The following DNAJC5 variants were observed in gnomAD, a reference collection of about 807,000 sequenced individuals.
The protein encoded by DNAJC5 is DnaJ heat shock protein family (Hsp40) member C5.
In DNAJC5, 1 loss-of-function variant was observed where a neutral mutation model predicts 23.2. That is an observed-to-expected ratio of 0.04 (90% CI 0.02 to 0.20). The LOEUF (loss-of-function observed/expected upper bound fraction) is 0.20, where lower values mean the gene tolerates loss of function less well. Ranked by LOEUF, DNAJC5 falls within the 10% of genes least tolerant of loss-of-function variation. The pLI is 1.00. For synonymous variants in DNAJC5, 136 were observed against 120.0 expected (o/e 1.13, Z -0.87); for missense variants, 180 against 267.0 (o/e 0.67, Z 2.27).
chr20:63,921,008 G>A (rs2053566791), intron 1 of DNAJC5, among the ~76,000 whole-genome samples: 1 of 152,058 alleles, frequency 6.6e-6, no homozygotes, highest in Non-Finnish European at 1.5e-5. Flanking sequence ...TACGCAGACT[G>A]GAGTGCAACG....
In DNAJC5 at chr20:63,902,624, TC is replaced by T. The variant is rs948976348; in HGVS notation, c.-12+7304del. On this transcript the variant is annotated intron_variant, in intron 1 of 4. Coordinates refer to ENST00000360864, the MANE Select transcript of DNAJC5 (RefSeq NM_025219.3). The stretch of plus-strand genomic sequence containing the variant: ...CTCAGGTGATCCACTCACCTCGGCC[TC>T]CCAAAGTGCTGGGATTACAGGCGTG... Among the ~76,000 whole-genome samples the T allele has an allele frequency of 6.0e-5, 9 of 149,690 alleles. 1 individual carries two copies. The highest frequency in any genetic ancestry group is 4.7e-4 in the Admixed American group (7 of 14,946).
intron 1 of DNAJC5, among the ~76,000 whole-genome samples, chr20:63,925,918 TC>T (rs2053610650): frequency 6.6e-6 from 1 of 150,992 alleles, no homozygotes; most frequent in African/African-American, 2.4e-5. Flanking sequence ...AGCTCCGCCT[TC>T]CGGGTTAACG....
At chr20:63,915,673 C>G (rs1488917712) in intron 1 of DNAJC5, among the ~76,000 whole-genome samples, 1 of 152,136 alleles carries the variant, frequency 6.6e-6, no homozygotes, top group East Asian at 1.9e-4. Flanking sequence ...GGCAGGGAGC[C>G]CTAAGTTCCA....
chr20:63,932,326 T>G lies in DNAJC5; in HGVS notation c.*758T>G, dbSNP rs1194787681. On this transcript the variant is annotated 3_prime_UTR_variant, in exon 5 of 5. Coordinates refer to ENST00000360864, the MANE Select transcript of DNAJC5 (RefSeq NM_025219.3). This position sits in a 1 kb window ranked among gnomAD's most constrained non-coding sequence, Gnocchi z 4.4. Reference sequence around the variant, plus strand: ...GTCGTGTGGACGCTGCCGTTCTGGTTCTCGGAGGTGTGTCCTTCGCCGTGT... The same window carrying G: ...GTCGTGTGGACGCTGCCGTTCTGGTGCTCGGAGGTGTGTCCTTCGCCGTGT... The G allele has an allele frequency of 6.6e-6, 1 of 152,624 alleles. No homozygotes were observed. The highest frequency in any genetic ancestry group is 2.4e-5 in the African/African-American group (1 of 41,346). 9.5% of individuals were successfully genotyped at this position (152,624 alleles called of 1,614,324 possible). A position where few individuals can be genotyped will look rare whatever the true frequency, so the allele number is the denominator to read the frequency against.
intron 1 of DNAJC5, among the ~76,000 whole-genome samples, chr20:63,918,331 C>A (rs772927748): frequency 3.3e-5 from 5 of 151,762 alleles, no homozygotes; most frequent in Non-Finnish European, 7.4e-5. Context: ...GCCTGGGCAA[C>A]ATAGCAAGAC....
chr20:63,896,701 C>T (rs559104879), intron 1 of DNAJC5, among the ~76,000 whole-genome samples: 4 of 152,152 alleles, frequency 2.6e-5, no homozygotes, highest in Admixed American at 1.3e-4. Flanking sequence ...TTTCCCACAG[C>T]GCTGAATCCT....
intron 1 of DNAJC5, among the ~76,000 whole-genome samples, chr20:63,924,575 C>T (rs544332210): frequency 3.6e-4 from 55 of 152,198 alleles, no homozygotes; most frequent in Non-Finnish European, 6.6e-4. Flanking sequence ...AACAAAAAAC[C>T]GGGCACGGTG....
At chr20:63,900,630 C>T (rs1196552422) in intron 1 of DNAJC5, among the ~76,000 whole-genome samples, 4 of 150,018 alleles carry the variant, frequency 2.7e-5, no homozygotes, top group African/African-American at 9.8e-5. Context: ...TAATTTCCTC[C>T]TCAGGACAGA....
In DNAJC5 at chr20:63,929,687, C is replaced by CGAGTCACTCCTGCCGTGCGGGCGCCT. The variant is rs2053648568; in HGVS notation, c.321+187_321+188insTGAGTCACTCCTGCCGTGCGGGCGCC. ...GAGTCTCTCCTGCCGTGCGGGCACC[C>CGAGTCACTCCTGCCGTGCGGGCGCCT]GAGTCACTCCTGCCGTGCGGGCGCC... On this transcript the variant is annotated intron_variant, in intron 3 of 4. Coordinates refer to ENST00000360864, the MANE Select transcript of DNAJC5 (RefSeq NM_025219.3). The surrounding 1 kb of genome is among the most constrained non-coding windows in gnomAD (Gnocchi z 8.6). 6.7e-6 allele frequency among the ~76,000 whole-genome samples: 1 copy of CGAGTCACTCCTGCCGTGCGGGCGCCT among 148,732 alleles called. No homozygotes were observed. The highest frequency in any genetic ancestry group is 2.5e-5 in the African/African-American group (1 of 39,786).
At chr20:63,927,096 T>C (rs1441888335) in intron 1 of DNAJC5, among the ~76,000 whole-genome samples, 1 of 152,214 alleles carries the variant, frequency 6.6e-6, no homozygotes, top group Non-Finnish European at 1.5e-5. Flanking sequence ...TGAAACCAGC[T>C]TGAAGCCCTA....
chr20:63,915,214 A>T (rs1471786565), intron 1 of DNAJC5, among the ~76,000 whole-genome samples: 1 of 152,104 alleles, frequency 6.6e-6, no homozygotes, highest in African/African-American at 2.4e-5. Context: ...GTGTCAGAAG[A>T]TAGAATAGGA....
chr20:63,905,768 T>C (rs1436862561), intron 1 of DNAJC5, among the ~76,000 whole-genome samples: 2 of 146,910 alleles, frequency 1.4e-5, no homozygotes, highest in South Asian at 4.3e-4. Flanking sequence ...AAAGTCTTGC[T>C]CTGTCACCCA....
intron 1 of DNAJC5, among the ~76,000 whole-genome samples, chr20:63,912,268 A>T (rs982330900): frequency 2.7e-5 from 4 of 149,868 alleles, no homozygotes; most frequent in South Asian, 4.2e-4. Flanking sequence ...GCACTACTGC[A>T]CTCCAGCGTG....
chr20:63,895,517 A>C (rs1347790398), intron 1 of DNAJC5, among the ~76,000 whole-genome samples, 194 bp downstream of exon 1: 1 of 147,036 alleles, frequency 6.8e-6, no homozygotes, highest in Non-Finnish European at 1.5e-5. Flanking sequence ...GGGGCGCGGG[A>C]AGGTCGGCGC....
In DNAJC5 at chr20:63,928,390, A is replaced by G. The variant is rs144141585; in HGVS notation, c.45A>G (p.Ser15=). ...RQRSLSTSGE[S]LYHVLGLDKN... ...GCTCACTGTCTACCTCTGGGGAGTCATTGTACCACGTCCTTGGGTTGGACA... is the reference window on the plus strand; with the variant it reads ...GCTCACTGTCTACCTCTGGGGAGTCGTTGTACCACGTCCTTGGGTTGGACA... The change falls in exon 2 of 5, where the codon TCA becomes TCG. Residue 15 remains serine, a synonymous_variant. Transcript: ENST00000360864. This position sits in a 1 kb window ranked among gnomAD's most constrained non-coding sequence, Gnocchi z 4.6. 831 of 1,613,948 alleles carry G rather than the reference A, an allele frequency of 5.1e-4. 7 individuals carry two copies. The highest frequency in any genetic ancestry group is 8.2e-5 in the Non-Finnish European group (97 of 1,180,036).
intron 1 of DNAJC5, among the ~76,000 whole-genome samples, chr20:63,912,050 C>G (rs1052819431): frequency 6.6e-6 from 1 of 152,084 alleles, no homozygotes; most frequent in Non-Finnish European, 1.5e-5. Context: ...TATCTGTAAT[C>G]CCATCACTTT....
intron 1 of DNAJC5, among the ~76,000 whole-genome samples, chr20:63,900,168 C>T (rs892744845): frequency 2.0e-5 from 3 of 151,598 alleles, no homozygotes; most frequent in African/African-American, 2.4e-5. Flanking sequence ...GGATTATAGG[C>T]GTGAGCCACT....
At chr20:63,911,409 C>T (rs1269975825) in intron 1 of DNAJC5, among the ~76,000 whole-genome samples, 2 of 152,126 alleles carry the variant, frequency 1.3e-5, no homozygotes, top group African/African-American at 4.8e-5. Flanking sequence ...TGTGTGTGAG[C>T]GAGCATGGGG....
At chr20:63,907,587 C>A (rs182339476) in intron 1 of DNAJC5, among the ~76,000 whole-genome samples, 7 of 152,284 alleles carry the variant, frequency 4.6e-5, no homozygotes, top group African/African-American at 7.2e-5. Context: ...AGGCCCGTCT[C>A]ACAGGCCTCT....
Sources: gnomAD v4.1 joint callset for allele counts (sites outside exome capture counted in the v4.1 genomes callset) on GRCh38, gnomAD v4.1.1 for gene constraint, Gnocchi (gnomAD v3.1) non-coding constraint, MANE v1.5 for transcripts, NCBI Gene and HGNC (gene_info 2026-07-23, HGNC 2026-07-21) for gene names.